The following NTRK3 variants were observed in gnomAD, a reference collection of about 807,000 sequenced individuals.
NTRK3 encodes the protein neurotrophic receptor tyrosine kinase 3.
Under a neutral mutation model 91.7 loss-of-function variants are expected in NTRK3, and 24 were observed. That is an observed-to-expected ratio of 0.26 (90% CI 0.19 to 0.37). The LOEUF (loss-of-function observed/expected upper bound fraction) is 0.37, where lower values mean the gene tolerates loss of function less well. Among genes scored for constraint, NTRK3 ranks in the 10% least tolerant of loss-of-function variants. NTRK3 has a pLI of 1.00. For synonymous variants in NTRK3, 483 were observed against 404.0 expected (o/e 1.20, Z -2.34); for missense variants, 880 against 1,068.9 (o/e 0.82, Z 2.46).
At position 88,255,818 on chromosome 15, in the gene NTRK3, G is replaced by A; in HGVS notation, c.248+88C>T. The A allele has an allele frequency of 1.7e-6, 2 of 1,208,142 alleles. No individual in the cohort carries two copies. Among genetic ancestry groups the A allele is most frequent in the South Asian group, 4.1e-5 (2 of 48,222 alleles). The allele number at this position is 1,208,142 out of a possible 1,614,324, so 74.8% of individuals were successfully genotyped here. A position where few individuals can be genotyped will look rare whatever the true frequency, so the allele number is the denominator to read the frequency against. ...CGGCGGGCAGCGGCGAGCTGGGGCG[G>A]GCGGAGGGCCGGCTCCCGGCCGCGG... On this transcript the variant is annotated intron_variant, in intron 3 of 18. Coordinates refer to ENST00000394480, the Ensembl canonical transcript of NTRK3. The surrounding 1 kb of genome is among the most constrained non-coding windows in gnomAD (Gnocchi z 4.3).
intron 13 of NTRK3, among the ~76,000 whole-genome samples, chr15:88,060,745 G>T (rs1011666354): frequency 6.6e-6 from 1 of 152,174 alleles, no homozygotes; most frequent in African/African-American, 2.4e-5. Flanking sequence ...AGAAGTGGAA[G>T]CAAGAAGCCC....
intron 14 of NTRK3, chr15:87,978,302 A>G (rs1179408915): frequency 8.7e-6 from 2 of 230,586 alleles, no homozygotes; most frequent in African/African-American, 4.4e-5. Flanking sequence ...TTGACCAGAG[A>G]ACAGGAGGAC....
chr15:88,180,958 T>C (rs2046402079), intron 5 of NTRK3, among the ~76,000 whole-genome samples: 1 of 152,240 alleles, frequency 6.6e-6, no homozygotes, highest in South Asian at 2.1e-4. Flanking sequence ...CCAGTGCTTC[T>C]GCCTCATCCT....
At chr15:88,227,502 G>A (rs1028605904) in intron 3 of NTRK3, among the ~76,000 whole-genome samples, 8 of 152,132 alleles carry the variant, frequency 5.3e-5, no homozygotes, top group East Asian at 1.9e-4. Context: ...GAGAGACACC[G>A]GGGACATGTG....
At chr15:88,003,149 A>G (rs1388475392) in intron 14 of NTRK3, among the ~76,000 whole-genome samples, 2 of 152,288 alleles carry the variant, frequency 1.3e-5, no homozygotes, top group African/African-American at 2.4e-5. Flanking sequence ...ATCAAATGCT[A>G]GCCACTCACT....
exon 19 of NTRK3, chr15:87,860,880 G>T (rs2064507382): frequency 4.5e-6 from 1 of 220,468 alleles, no homozygotes; most frequent in South Asian, 1.8e-4. Context: ...AAAATAAAGG[G>T]CATAAGATCC....
intron 17 of NTRK3, chr15:87,925,446 C>A (rs2068217009): frequency 5.3e-6 from 1 of 190,086 alleles, no homozygotes; most frequent in African/African-American, 2.5e-5. Flanking sequence ...TGTATGCACA[C>A]ACACACACAC....
At chr15:88,171,091 G>A (rs2045471109) in intron 5 of NTRK3, among the ~76,000 whole-genome samples, 1 of 152,194 alleles carries the variant, frequency 6.6e-6, no homozygotes, top group African/African-American at 2.4e-5. Context: ...ACCTGAGGTG[G>A]ACAGTTGACC....
At chr15:88,083,238 G>T (rs1377549032) in intron 13 of NTRK3, among the ~76,000 whole-genome samples, 1 of 152,010 alleles carries the variant, frequency 6.6e-6, no homozygotes, top group Non-Finnish European at 1.5e-5. Context: ...TTTTGGGAGG[G>T]AGACAGAGTC....
At chr15:87,868,699 G>T (rs1377222208) in exon 19 of NTRK3, 1 of 219,884 alleles carries the variant, frequency 4.5e-6, no homozygotes, top group East Asian at 6.7e-5. Context: ...CAGCTTTGAG[G>T]TTCTATGTGG....
intron 3 of NTRK3, among the ~76,000 whole-genome samples, chr15:88,247,144 T>C (rs771919035): frequency 1.3e-5 from 2 of 152,212 alleles, no homozygotes; most frequent in Admixed American, 6.5e-5. Context: ...CGCAGCCCTG[T>C]TTCCCGCGGC....
intron 6 of NTRK3, among the ~76,000 whole-genome samples, chr15:88,145,142 C>T (rs2042770592): frequency 6.6e-6 from 1 of 152,208 alleles, no homozygotes; most frequent in Non-Finnish European, 1.5e-5. Flanking sequence ...CAGATGGCGC[C>T]ATGTGGACTA....
intron 3 of NTRK3, among the ~76,000 whole-genome samples, chr15:88,245,205 A>T (rs2052704918): frequency 6.6e-6 from 1 of 152,098 alleles, no homozygotes; most frequent in Non-Finnish European, 1.5e-5. Context: ...TTCTTCAAGG[A>T]CCTGGAAATG....
At chr15:87,996,060 A>T (rs922748705) in intron 14 of NTRK3, among the ~76,000 whole-genome samples, 1 of 152,050 alleles carries the variant, frequency 6.6e-6, no homozygotes, top group African/African-American at 2.4e-5. Context: ...CCTGGCCAGC[A>T]TGACGAAACC....
chr15:87,865,487 G>A (rs2064643912), exon 19 of NTRK3: 1 of 215,620 alleles, frequency 4.6e-6, no homozygotes, highest in Non-Finnish European at 9.3e-6. Flanking sequence ...GCCTATTAAA[G>A]GTGTGGTCTA....
chr15:88,032,529 T>TAGGCC (rs946347367), intron 14 of NTRK3, among the ~76,000 whole-genome samples: 3 of 152,104 alleles, frequency 2.0e-5, no homozygotes, highest in African/African-American at 7.2e-5. Flanking sequence ...TTATGTTTCC[T>TAGGCC]AGTTACATAG....
At chr15:88,182,232 C>T (rs1446144143) in intron 5 of NTRK3, among the ~76,000 whole-genome samples, 1 of 151,500 alleles carries the variant, frequency 6.6e-6, no homozygotes, top group East Asian at 2.0e-4. Flanking sequence ...TACTGATAAA[C>T]AAATATTTAT....
exon 19 of NTRK3, chr15:87,877,027 C>T (rs550257984): frequency 6.2e-7 from 1 of 1,613,962 alleles, no homozygotes; most frequent in South Asian, 1.1e-5. Flanking sequence ...TGCTGTGGTT[C>T]CCTCTGCCAG....
intron 17 of NTRK3, chr15:87,908,594 G>C (rs964723329): frequency 2.5e-6 from 1 of 399,550 alleles, no homozygotes. Flanking sequence ...AGAGTGGGAA[G>C]GGGGAGAGAG....
Sources: gnomAD v4.1 joint callset for allele counts (sites outside exome capture counted in the v4.1 genomes callset) on GRCh38, gnomAD v4.1.1 for gene constraint, Gnocchi (gnomAD v3.1) non-coding constraint, MANE v1.5 for transcripts, NCBI Gene and HGNC (gene_info 2026-07-23, HGNC 2026-07-21) for gene names.